SHANK1: variants seen among roughly 807,000 people sequenced by gnomAD.
The protein encoded by SHANK1 is SH3 and multiple ankyrin repeat domains 1.
In SHANK1, 35 loss-of-function variants were observed where a neutral mutation model predicts 165.6. The observed-to-expected ratio is 0.21, with a 90% CI of 0.16 to 0.28. SHANK1 has a LOEUF of 0.28. Ranked by LOEUF, SHANK1 falls within the 10% of genes least tolerant of loss-of-function variation. The pLI, the probability that SHANK1 is intolerant of heterozygous loss-of-function variation, is 1.00. For missense variants in SHANK1, 2,681 were observed against 3,036.4 expected (o/e 0.88, Z 2.75); for synonymous variants, 1,428 against 1,384.8 (o/e 1.03, Z -0.69).
intron 21 of SHANK1, among the ~76,000 whole-genome samples, chr19:50,677,284 C>T (rs1422569257): frequency 7.2e-5 from 11 of 152,150 alleles, no homozygotes; most frequent in African/African-American, 2.7e-4. Context: ...CCCACCACCA[C>T]ACCCAGCTAA....
chr19:50,694,751 GAGA>G (rs1177602626), intron 15 of SHANK1, among the ~76,000 whole-genome samples: 39 of 141,664 alleles, frequency 2.8e-4, no homozygotes, highest in Admixed American at 2.7e-3. Context: ...TTCGGGCTGA[GAGA>G]AGGTTAGGGA....
At position 50,702,033 on chromosome 19, in the gene SHANK1, T is replaced by G. The variant is rs1986932355; in HGVS notation, c.1747+434A>C. 6.6e-6 allele frequency among the ~76,000 whole-genome samples: 1 copy of G among 152,152 alleles called. No homozygotes were observed. Among genetic ancestry groups the G allele is most frequent in the Non-Finnish European group, 1.5e-5 (1 of 68,020 alleles). On this transcript the variant is annotated intron_variant, in intron 12 of 23. Coordinates refer to ENST00000293441, the MANE Select transcript of SHANK1 (RefSeq NM_016148.5). The surrounding 1 kb of genome is among the most constrained non-coding windows in gnomAD (Gnocchi z 5.3). ...CCTGGACAGATGCAGGAGGCAAAGT[T>G]AAGGCTGCTCGGCCTCACGCTCTGC...
At position 50,714,240 on chromosome 19, in the gene SHANK1, C is replaced by T. The variant is rs111292432; in HGVS notation, c.582G>A (p.Lys194=). ...GCCCCTTGTCCAGCAGCCGCGCCAC[C>T]TTGTCAGATGTCCCGAGCTGCACAT... is the stretch of plus-strand genomic sequence containing the variant. ...LEYVQLGTSD[K]VARLLDKGLD... Residue 194 remains lysine, a synonymous_variant, in exon 5 of 24, where the codon AAG becomes AAA. Transcript: ENST00000293441. 688 of 1,614,182 alleles carry T rather than the reference C, an allele frequency of 4.3e-4. 4 individuals carry two copies. In the African/African-American group the frequency reaches 6.5e-3, roughly 15 times the overall value.
At chr19:50,681,539 G>A (rs1247856601) in intron 21 of SHANK1, among the ~76,000 whole-genome samples, 1 of 152,162 alleles carries the variant, frequency 6.6e-6, no homozygotes, top group Non-Finnish European at 1.5e-5. Context: ...TGACTGTCCT[G>A]TAACTGGGTT....
Position 50,668,474 on chromosome 19 carries a change from G to C in SHANK1, c.3486C>G (p.Ala1162=). 7.5e-7 allele frequency: 1 copy of C among 1,342,050 alleles called. No individual in the cohort carries two copies. Among genetic ancestry groups the C allele is most frequent in the Non-Finnish European group, 9.6e-7 (1 of 1,045,644 alleles). The allele number at this position is 1,342,050 out of a possible 1,614,324, so 83.1% of individuals were successfully genotyped here. ...TGCGGCCGCTGCTACTGGTGGACGGGGCCTTGATGATGATGGTGGGGATGG... is the reference window on the plus strand; with the variant it reads ...TGCGGCCGCTGCTACTGGTGGACGGCGCCTTGATGATGATGGTGGGGATGG... ...SIPIPTIIIK[A]PSTSSSGRSS... is the part of the protein sequence containing the mutation. Residue 1162 remains alanine (A), a synonymous_variant, in exon 23 of 24, where the codon GCC becomes GCG. Coordinates refer to ENST00000293441, the MANE Select transcript of SHANK1 (RefSeq NM_016148.5).
At chr19:50,700,524 A>T (rs1040132844) in intron 12 of SHANK1, among the ~76,000 whole-genome samples, 1 of 151,982 alleles carries the variant, frequency 6.6e-6, no homozygotes. Context: ...AGGTGGGCAG[A>T]GAGGCAGCTT....
intron 5 of SHANK1, 97 bp downstream of exon 5, chr19:50,714,085 G>A (rs2089041167): frequency 6.6e-7 from 1 of 1,522,570 alleles, no homozygotes; most frequent in Admixed American, 1.8e-5. Flanking sequence ...ATGTGTTTGG[G>A]AGACACCAGT....
chr19:50,663,709 T>C (rs2123062929), intron 23 of SHANK1, among the ~76,000 whole-genome samples: 1 of 150,950 alleles, frequency 6.6e-6, no homozygotes, highest in East Asian at 1.9e-4. Context: ...GTTGACTGAA[T>C]TAAGCATCCT....
At chr19:50,664,796 C>G (rs768115896) in intron 23 of SHANK1, among the ~76,000 whole-genome samples, 2 of 152,154 alleles carry the variant, frequency 1.3e-5, no homozygotes, top group African/African-American at 2.4e-5. Context: ...ACTCTGTCAC[C>G]CAGGCTGGAG....
At chr19:50,679,538 G>A (rs1986105306) in intron 21 of SHANK1, among the ~76,000 whole-genome samples, 1 of 152,150 alleles carries the variant, frequency 6.6e-6, no homozygotes, top group South Asian at 2.1e-4. Flanking sequence ...AGAAGGGACA[G>A]CCAATCAGAG....
chr19:50,685,444 G>A (rs1986301787), intron 21 of SHANK1, among the ~76,000 whole-genome samples: 1 of 152,160 alleles, frequency 6.6e-6, no homozygotes, highest in Non-Finnish European at 1.5e-5. Context: ...AAAATTTGAT[G>A]TCTGGCTGGT....
At chr19:50,687,890 G>A in intron 18 of SHANK1, 33 bp downstream of exon 18, 2 of 1,613,034 alleles carry the variant, frequency 1.2e-6, no homozygotes, top group Non-Finnish European at 1.7e-6. Flanking sequence ...CCTGGTGGCA[G>A]TGGGGTGGCT....
intron 21 of SHANK1, among the ~76,000 whole-genome samples, chr19:50,674,941 C>T (rs1164720818): frequency 2.6e-5 from 4 of 151,554 alleles, no homozygotes; most frequent in Non-Finnish European, 4.4e-5. Context: ...ATGTACCTGT[C>T]ATCCCAGCTA....
Position 50,686,358 on chromosome 19 carries a change from A to T in SHANK1, c.2459-3T>A. On this transcript the variant is annotated splice_polypyrimidine_tract_variant and splice_region_variant and intron_variant, in intron 20 of 23. Coordinates refer to ENST00000293441, the MANE Select transcript of SHANK1 (RefSeq NM_016148.5). The surrounding 1 kb of genome is among the most constrained non-coding windows in gnomAD (Gnocchi z 5.7). ...GGCCAGGATTTCGTCCAGTTTGTCT[A>T]GGGGTAGATGAATGAACAGAGGTGG... The T allele has an allele frequency of 6.3e-7, 1 of 1,584,044 alleles. No individual in the cohort carries two copies. Among genetic ancestry groups the T allele is most frequent in the South Asian group, 1.1e-5 (1 of 87,808 alleles).
Position 50,667,389 on chromosome 19 carries a change from C to T in SHANK1, c.4571G>A (p.Arg1524His). ...DGPGVPPPSP[R>H]RSVPPSPTSP... ...GGTCGGGGAGGGGGGCACGGACCGG[C>T]GTGGGCTGGGCGGCGGGACCCCCGG... is the stretch of plus-strand genomic sequence containing the variant. Residue 1524 changes from arginine to histidine, a missense_variant, in exon 23 of 24, where the codon CGC (arginine) becomes CAC (histidine). Arg to His is a conservative substitution (Grantham distance 29). Coordinates refer to ENST00000293441, the MANE Select transcript of SHANK1 (RefSeq NM_016148.5). The surrounding 1 kb of genome is among the most constrained non-coding windows in gnomAD (Gnocchi z 5.7). The T allele has an allele frequency of 2.6e-6, 4 of 1,527,702 alleles. No homozygotes were observed. Among genetic ancestry groups the T allele is most frequent in the African/African-American group, 1.4e-5 (1 of 73,840 alleles). The allele number at this position is 1,527,702 out of a possible 1,614,324, so 94.6% of individuals were successfully genotyped here.
chr19:50,664,435 T>G (rs190184148), intron 23 of SHANK1, among the ~76,000 whole-genome samples: 90 of 152,312 alleles, frequency 5.9e-4, no homozygotes, highest in Middle Eastern at 6.8e-3. Flanking sequence ...GTTGCTGGGC[T>G]CTTGTTCGAG....
rs1003246514 is a variant in SHANK1 at position 50,661,488 on chromosome 19, G to C, written c.*477C>G. Among the ~76,000 whole-genome samples, 4 of 151,278 alleles carry C rather than the reference G, an allele frequency of 2.6e-5. No individual in the cohort carries two copies. The highest frequency in any genetic ancestry group is 2.6e-4 in the Admixed American group (4 of 15,170). On this transcript the variant is annotated 3_prime_UTR_variant, in exon 24 of 24. Coordinates refer to ENST00000293441, the MANE Select transcript of SHANK1 (RefSeq NM_016148.5). ...GTGCAAGAGGCTGAGGGGGGCAGCT[G>C]TGTGTGCTGGGGAGAGGGGAAGGGG...
rs1986443237 is a variant in SHANK1 at position 50,688,790 on chromosome 19, G to A, written c.2172+54C>T. 1.3e-6 allele frequency: 2 copies of A among 1,564,162 alleles called. No individual in the cohort carries two copies. The highest frequency in any genetic ancestry group is 1.2e-5 in the South Asian group (1 of 84,966). On this transcript the variant is annotated intron_variant, in intron 17 of 23. Transcript: ENST00000293441. The surrounding 1 kb of genome is among the most constrained non-coding windows in gnomAD (Gnocchi z 6.7). ...GCCAGATCCTGGTGTGAATCATGAGGGGGTCTGGGAACTTGTCACAGGGTC... is the reference window on the plus strand; with the variant it reads ...GCCAGATCCTGGTGTGAATCATGAGAGGGTCTGGGAACTTGTCACAGGGTC...
chr19:50,669,253 G>C lies in SHANK1; in HGVS notation c.2707C>G (p.Pro903Ala), dbSNP rs1261947444. 1 of 1,611,876 alleles carries C rather than the reference G, an allele frequency of 6.2e-7. No individual in the cohort carries two copies. Among genetic ancestry groups the C allele is most frequent in the South Asian group, 1.1e-5 (1 of 90,742 alleles). Reference sequence around the variant, plus strand: ...CTGCGGCTGAATTTCATGGCTGGGGGTGCTAGGTAAGGTCTGTCATCTTCT... The same window carrying C: ...CTGCGGCTGAATTTCATGGCTGGGGCTGCTAGGTAAGGTCTGTCATCTTCT... ...AAEDDRPYLA[P>A]PAMKFSRSLS... The change falls in exon 23 of 24, where the codon CCC (proline) becomes GCC (alanine). Residue 903 changes from proline (P) to alanine (A), a missense_variant. By Grantham distance (27) the Pro-to-Ala change is conservative (BLOSUM62 -1). Transcript: ENST00000293441.
Sources: gnomAD v4.1 joint callset for allele counts (sites outside exome capture counted in the v4.1 genomes callset) on GRCh38, gnomAD v4.1.1 for gene constraint, Gnocchi (gnomAD v3.1) non-coding constraint, MANE v1.5 for transcripts, NCBI Gene and HGNC (gene_info 2026-07-23, HGNC 2026-07-21) for gene names.